Variants in BRI3BP observed in about 807,000 individuals in gnomAD.
BRI3BP encodes BRI3-binding protein.
A neutral mutation model predicts 15.8 loss-of-function variants in BRI3BP; 7 were observed. That is an observed-to-expected ratio of 0.44 (90% confidence interval 0.25 to 0.83). BRI3BP has a LOEUF of 0.83. Ranked by LOEUF, BRI3BP falls within the 40% of genes least tolerant of loss-of-function variation. BRI3BP has a pLI of 0.20. For synonymous variants in BRI3BP, 192 were observed against 163.5 expected (o/e 1.17, Z -1.33); for missense variants, 320 against 339.3 (o/e 0.94, Z 0.45).
intron 2 of BRI3BP, among the ~76,000 whole-genome samples, 184 bp downstream of exon 2, chr12:125,012,820 G>A (rs1180009759): frequency 6.6e-6 from 1 of 152,084 alleles, no homozygotes; most frequent in African/African-American, 2.4e-5. Flanking sequence ...GCTCATGCCT[G>A]TAATCCCAGC....
At chr12:125,050,086 C>T in the BRI3BP span, among the ~76,000 whole-genome samples, 3,569 of 152,270 alleles carry the variant, frequency 0.023, 151 homozygotes, top group African/African-American at 0.08. Flanking sequence ...GGCGCGGTGG[C>T]TCACGCCTGT....
At chr12:125,032,414 C>T (rs866978712), downstream of BRI3BP, among the ~76,000 whole-genome samples, 7 of 151,962 alleles carry the variant, frequency 4.6e-5, no homozygotes, top group South Asian at 4.2e-4. Context: ...GCTGAAATCG[C>T]GCCACTGCAC....
chr12:125,011,573 C>G (rs1955196420), intron 1 of BRI3BP, among the ~76,000 whole-genome samples: 2 of 152,170 alleles, frequency 1.3e-5, no homozygotes, highest in Non-Finnish European at 2.9e-5. Context: ...AAGAATATGT[C>G]TGTGCCATTA....
Position 124,993,750 on chromosome 12 carries a change from C to A in BRI3BP, c.-41C>A, listed in dbSNP as rs912443490. 140 of 978,154 alleles carry A rather than the reference C, an allele frequency of 1.4e-4. No homozygotes were observed. The African/African-American group carries it at 2.2e-3, about 15-fold the overall frequency. The allele number at this position is 978,154 out of a possible 1,614,324, so 60.6% of individuals were successfully genotyped here. On this transcript the variant is annotated 5_prime_UTR_variant, in exon 1 of 3. Coordinates refer to ENST00000341446, the MANE Select transcript of BRI3BP (RefSeq NM_080626.6). ...GAGCCCGCTGCGGCCCAGCGCACGG[C>A]CCTCACCCCGCATCGCGACCCCGCG...
At chr12:125,051,029 C>T in the BRI3BP span, among the ~76,000 whole-genome samples, 3 of 152,126 alleles carry the variant, frequency 2.0e-5, no homozygotes, top group Non-Finnish European at 4.4e-5. Flanking sequence ...GAAAAAGAAG[C>T]CAGAGGATGG....
the BRI3BP span, among the ~76,000 whole-genome samples, chr12:125,038,734 C>T: frequency 6.6e-6 from 1 of 151,890 alleles, no homozygotes; most frequent in African/African-American, 2.4e-5. Flanking sequence ...CATTGCACTC[C>T]AGCCTGGGTG....
At position 125,019,660 on chromosome 12, in the gene BRI3BP, C is replaced by CTTTTTTT. The variant is rs1955278838; in HGVS notation, c.317-5325_317-5324insTTTTTTT. Among the ~76,000 whole-genome samples the CTTTTTTT allele has an allele frequency of 6.1e-3, 150 of 24,694 alleles. 21 individuals carry two copies. Among genetic ancestry groups the CTTTTTTT allele is most frequent in the African/African-American group, 0.016 (125 of 7,710 alleles). 16.2% of individuals were successfully genotyped at this position (24,694 alleles called of 152,430 possible). A position where few individuals can be genotyped will look rare whatever the true frequency, so the allele number is the denominator to read the frequency against. On this transcript the variant is annotated intron_variant, in intron 2 of 2. Transcript: ENST00000341446. Reference sequence around the variant, plus strand: ...CTTTTTTTTTTTTTTTTTTTTTTGCCTTTTTTGCTGTGAGTACTTGAAAAT... The same window carrying CTTTTTTT: ...CTTTTTTTTTTTTTTTTTTTTTTGCCTTTTTTTTTTTTTGCTGTGAGTACTTGAAAAT...
intron 1 of BRI3BP, among the ~76,000 whole-genome samples, chr12:125,003,993 AC>A (rs747347174): frequency 0.38 from 32,886 of 86,682 alleles, 4,076 homozygotes; most frequent in South Asian, 0.57. Context: ...ACACACACAC[AC>A]ACACACACAA....
chr12:125,020,707 A>G (rs962626944), intron 2 of BRI3BP, among the ~76,000 whole-genome samples: 1 of 152,108 alleles, frequency 6.6e-6, no homozygotes, highest in African/African-American at 2.4e-5. Flanking sequence ...CAACACAGTG[A>G]GACCCTGTAT....
chr12:125,050,244 A>T, the BRI3BP span, among the ~76,000 whole-genome samples: 3 of 151,814 alleles, frequency 2.0e-5, no homozygotes, highest in African/African-American at 7.3e-5. Flanking sequence ...CAGCTACTCC[A>T]GAGGCTGAGG....
At chr12:125,001,694 G>C (rs2135987999) in intron 1 of BRI3BP, among the ~76,000 whole-genome samples, 1 of 151,902 alleles carries the variant, frequency 6.6e-6, no homozygotes, top group Non-Finnish European at 1.5e-5. Context: ...GACTTTTACA[G>C]CATTGACATT....
At chr12:125,044,020 TA>T in the BRI3BP span, among the ~76,000 whole-genome samples, 20,772 of 131,636 alleles carry the variant, frequency 0.16, 1,471 homozygotes, top group Middle Eastern at 0.26. Flanking sequence ...GCAAGACATT[TA>T]AAAAAAAAAA....
At chr12:125,038,038 A>C in the BRI3BP span, among the ~76,000 whole-genome samples, 1 of 152,040 alleles carries the variant, frequency 6.6e-6, no homozygotes, top group African/African-American at 2.4e-5. Context: ...CATGCATGTA[A>C]TCCCAGCACT....
At position 124,994,103 on chromosome 12, in the gene BRI3BP, C is replaced by T. The variant is rs1456862101; in HGVS notation, c.213+100C>T. On this transcript the variant is annotated intron_variant, in intron 1 of 2. Coordinates refer to ENST00000341446, the MANE Select transcript of BRI3BP (RefSeq NM_080626.6). ...GGAGCGCGGCCTCCGGGGCTGCCCG[C>T]CCGGCCAGCGCGCGGGAAGAGGGGG... 3,636 of 832,572 alleles carry T rather than the reference C, an allele frequency of 4.4e-3. 15 individuals are homozygous for T. Among genetic ancestry groups the T allele is most frequent in the Non-Finnish European group, 5.0e-3 (3,296 of 654,866 alleles). 51.6% of individuals were successfully genotyped at this position (832,572 alleles called of 1,614,324 possible).
Position 125,025,425 on chromosome 12 carries a change from A to G in BRI3BP, c.751A>G (p.Lys251Glu). The change falls in exon 3 of 3, where the codon AAG becomes GAG. Residue 251 changes from lysine to glutamate, a missense_variant. Transcript: ENST00000341446. ...VLESLDRSKD[K>E] ...CGAGAGCCTGGACCGCTCCAAGGAC[A>G]AGTGAAGGTCAGCCGGCCGGGCGGG... 6.3e-7 allele frequency: 1 copy of G among 1,587,052 alleles called. No individual in the cohort carries two copies. Among genetic ancestry groups the G allele is most frequent in the African/African-American group, 1.3e-5 (1 of 74,456 alleles).
At chr12:125,045,287 C>T in the BRI3BP span, among the ~76,000 whole-genome samples, 2 of 152,114 alleles carry the variant, frequency 1.3e-5, no homozygotes, top group African/African-American at 4.8e-5. Context: ...GTGATCAAAC[C>T]CGTTTAAGTC....
chr12:125,020,254 A>G (rs999301518), intron 2 of BRI3BP, among the ~76,000 whole-genome samples: 5 of 152,214 alleles, frequency 3.3e-5, no homozygotes, highest in Admixed American at 1.3e-4. Flanking sequence ...CCTAACAGAC[A>G]TTTTCATTTC....
intron 2 of BRI3BP, among the ~76,000 whole-genome samples, chr12:125,013,612 T>G (rs1381361357): frequency 6.6e-6 from 1 of 152,190 alleles, no homozygotes; most frequent in African/African-American, 2.4e-5. Context: ...ATGCGGTTCT[T>G]AGCTCTCCAG....
intron 2 of BRI3BP, among the ~76,000 whole-genome samples, chr12:125,019,634 C>CTTTTTTGTTTTTTTT (rs1565906073): frequency 2.2e-5 from 1 of 45,540 alleles, no homozygotes; most frequent in Non-Finnish European, 5.0e-5. Flanking sequence ...TTAATTCCAC[C>CTTTTTTGTTTTTTTT]CTTTTTTTTT....
Sources: allele counts gnomAD v4.1 joint callset (sites outside exome capture counted in the v4.1 genomes callset), GRCh38; gene constraint gnomAD v4.1.1; transcripts MANE v1.5; gene names NCBI Gene and HGNC (gene_info 2026-07-23, HGNC 2026-07-21).